Variants in MAGI1 observed in about 807,000 individuals in gnomAD.
The protein encoded by MAGI1 is membrane-associated guanylate kinase, WW and PDZ domain-containing protein 1.
Under a neutral mutation model 139.9 loss-of-function variants are expected in MAGI1, and 58 were observed. The ratio of observed to expected loss-of-function variants is 0.41; its 90% confidence interval spans 0.34 to 0.52. The LOEUF (loss-of-function observed/expected upper bound fraction) is 0.52, where lower values mean the gene tolerates loss of function less well. Ranked by LOEUF, MAGI1 falls within the 20% of genes least tolerant of loss-of-function variation. The probability of loss-of-function intolerance (pLI) is 0.12; values close to 1 mark genes in which losing one functional copy is unlikely to be tolerated. For missense variants in MAGI1, 1,874 were observed against 1,901.6 expected, an observed-to-expected ratio of 0.99 and a Z score of 0.27; for synonymous variants, 812 against 737.9, an observed-to-expected ratio of 1.10 and a Z score of -1.63.
intron 1 of MAGI1, among the ~76,000 whole-genome samples, chr3:66,030,626 G>A (rs2068538890): frequency 6.6e-6 from 1 of 152,160 alleles, no homozygotes; most frequent in African/African-American, 2.4e-5. Context: ...CACTGGGCAG[G>A]TGACATTTCA....
At chr3:65,598,625 G>C (rs2082341118) in intron 2 of MAGI1, among the ~76,000 whole-genome samples, 1 of 152,292 alleles carries the variant, frequency 6.6e-6, no homozygotes, top group African/African-American at 2.4e-5. Flanking sequence ...TCAAGGAATT[G>C]ACACTTCAAG....
At chr3:65,480,781 T>A (rs1951232956) in intron 3 of MAGI1, among the ~76,000 whole-genome samples, 1 of 151,938 alleles carries the variant, frequency 6.6e-6, no homozygotes, top group African/African-American at 2.4e-5. Flanking sequence ...AGAGACGGGA[T>A]TTCACCATGT....
At chr3:65,662,796 A>C (rs1350890971) in intron 1 of MAGI1, among the ~76,000 whole-genome samples, 1 of 152,166 alleles carries the variant, frequency 6.6e-6, no homozygotes, top group Non-Finnish European at 1.5e-5. Flanking sequence ...TTAGATTTCT[A>C]GACTTATTTA....
At chr3:65,840,513 T>A (rs1280494552) in intron 1 of MAGI1, among the ~76,000 whole-genome samples, 1 of 152,214 alleles carries the variant, frequency 6.6e-6, no homozygotes, top group South Asian at 2.1e-4. Flanking sequence ...CATCAATTGA[T>A]ATAATCATGT....
chr3:65,747,639 G>A (rs2107807061), intron 1 of MAGI1, among the ~76,000 whole-genome samples: 1 of 152,248 alleles, frequency 6.6e-6, no homozygotes, highest in South Asian at 2.1e-4. Flanking sequence ...GTGAACTGTG[G>A]ACTTCAGTTA....
intron 5 of MAGI1, among the ~76,000 whole-genome samples, chr3:65,462,562 A>C (rs1006877592): frequency 6.6e-6 from 1 of 152,212 alleles, no homozygotes; most frequent in Admixed American, 6.5e-5. Context: ...TGATGCCTCC[A>C]GCTTTGTTCT....
Position 65,814,436 on chromosome 3 carries a change from C to G in MAGI1, c.314-192348G>C, listed in dbSNP as rs149208736. 3.1e-3 allele frequency among the ~76,000 whole-genome samples: 469 copies of G among 152,220 alleles called. 5 individuals carry two copies. Among genetic ancestry groups the G allele is most frequent in the African/African-American group, 0.011 (445 of 41,510 alleles). ...TATTCCTCACCTCTCATTCACACAG[C>G]ATTTGAAATCATCATCAGCTCAGAC... On this transcript the variant is annotated intron_variant, in intron 1 of 22. Transcript: ENST00000402939.
chr3:65,856,811 C>T (rs6764193), intron 1 of MAGI1, among the ~76,000 whole-genome samples: 1 of 151,972 alleles, frequency 6.6e-6, no homozygotes, highest in Non-Finnish European at 1.5e-5. Context: ...TCCAGCCAGC[C>T]GCACAAACTA....
At chr3:65,854,672 G>A (rs995198477) in intron 1 of MAGI1, among the ~76,000 whole-genome samples, 1 of 152,216 alleles carries the variant, frequency 6.6e-6, no homozygotes, top group African/African-American at 2.4e-5. Context: ...CCACGAGAGG[G>A]TTCTGCAAAT....
At chr3:65,752,546 G>T (rs571697071) in intron 1 of MAGI1, among the ~76,000 whole-genome samples, 17 of 152,260 alleles carry the variant, frequency 1.1e-4, no homozygotes, top group Non-Finnish European at 2.1e-4. Context: ...TAATCTCAGA[G>T]GTATAATTTC....
At chr3:65,730,220 A>T (rs2034047876) in intron 1 of MAGI1, among the ~76,000 whole-genome samples, 1 of 152,202 alleles carries the variant, frequency 6.6e-6, no homozygotes, top group Admixed American at 6.5e-5. Flanking sequence ...AGAGTAGCTT[A>T]AACAGTTAGT....
intron 1 of MAGI1, among the ~76,000 whole-genome samples, chr3:65,670,911 C>T (rs1275887898): frequency 6.6e-6 from 1 of 152,136 alleles, no homozygotes; most frequent in African/African-American, 2.4e-5. Context: ...CTAGAATGTA[C>T]CAAAGTGCTT....
intron 1 of MAGI1, chr3:65,688,380 C>G: frequency 1.7e-6 from 1 of 586,034 alleles, no homozygotes; most frequent in Non-Finnish European, 3.3e-6. Context: ...TTACAGTAGT[C>G]ATTAGAGAAA....
intron 1 of MAGI1, among the ~76,000 whole-genome samples, chr3:65,737,011 TTTTTTTC>T (rs2034801502): frequency 6.6e-6 from 1 of 152,122 alleles, no homozygotes; most frequent in Non-Finnish European, 1.5e-5. Context: ...GACTTTTTTT[TTTTTTTC>T]TTTTTGAGAC....
chr3:65,482,205 C>T lies in MAGI1; in HGVS notation c.551-3407G>A, dbSNP rs138774228. ...GTGTGACTCTGGGCCAGTCTTTGTC[C>T]GCCTTTAACTTGGGATTCTAAGAGA... On this transcript the variant is annotated intron_variant, in intron 3 of 22. Transcript: ENST00000402939. Among the ~76,000 whole-genome samples the T allele has an allele frequency of 6.9e-4, 105 of 152,278 alleles. 3 individuals are homozygous for T. In the East Asian group the frequency reaches 0.011, roughly 15 times the overall value.
At chr3:65,863,488 T>C (rs2108451994) in intron 1 of MAGI1, among the ~76,000 whole-genome samples, 1 of 152,352 alleles carries the variant, frequency 6.6e-6, no homozygotes, top group South Asian at 2.1e-4. Context: ...CATTAAGTAG[T>C]ATGCCCAGAA....
chr3:66,035,912 A>C (rs1250076941), intron 1 of MAGI1, among the ~76,000 whole-genome samples: 1 of 152,212 alleles, frequency 6.6e-6, no homozygotes, highest in Non-Finnish European at 1.5e-5. Context: ...GAAATTTGGC[A>C]ACTAGTGGAA....
At chr3:65,426,731 T>G (rs962302702) in intron 12 of MAGI1, among the ~76,000 whole-genome samples, 3 of 152,218 alleles carry the variant, frequency 2.0e-5, no homozygotes, top group Non-Finnish European at 4.4e-5. Flanking sequence ...GAAACAGATA[T>G]ATTTATATGC....
chr3:65,525,726 GTCAAT>G (rs2078350293), intron 2 of MAGI1, among the ~76,000 whole-genome samples: 1 of 152,188 alleles, frequency 6.6e-6, no homozygotes, highest in Non-Finnish European at 1.5e-5. Flanking sequence ...AACTTACCTT[GTCAAT>G]AATATAGCGG....
Sources: allele counts gnomAD v4.1 joint callset (sites outside exome capture counted in the v4.1 genomes callset), GRCh38; gene constraint gnomAD v4.1.1; transcripts MANE v1.5; gene names NCBI Gene and HGNC (gene_info 2026-07-23, HGNC 2026-07-21).